The following CPB2 variants were observed in gnomAD, a reference collection of about 807,000 sequenced individuals.
CPB2 encodes the protein carboxypeptidase B-like protein.
In CPB2, 54 loss-of-function variants were observed where a neutral mutation model predicts 57.0. That is an observed-to-expected ratio of 0.95 (90% CI 0.76 to 1.19). The LOEUF is 1.19. CPB2 is among the 50% of genes most tolerant of loss of function. CPB2 has a pLI of 0.00. For synonymous variants in CPB2, 189 were observed against 178.1 expected, an observed-to-expected ratio of 1.06 and a Z score of -0.49; for missense variants, 426 against 512.0, an observed-to-expected ratio of 0.83 and a Z score of 1.62.
intron 6 of CPB2, among the ~76,000 whole-genome samples, chr13:46,068,010 CACATATTGCAGTGTG>C (rs2044881438): frequency 6.6e-6 from 1 of 152,190 alleles, no homozygotes; most frequent in African/African-American, 2.4e-5. Context: ...AGCTTAGTGG[CACATATTGCAGTGTG>C]ATCCAATGGC....
At chr13:46,081,648 G>T (rs2045120132) in intron 4 of CPB2, among the ~76,000 whole-genome samples, 1 of 152,020 alleles carries the variant, frequency 6.6e-6, no homozygotes, top group South Asian at 2.1e-4. Flanking sequence ...ATATGGATAT[G>T]GTCCCTAATA....
chr13:46,058,081 C>T, intron 9 of CPB2, 98 bp downstream of exon 9: 1 of 1,049,106 alleles, frequency 9.5e-7, no homozygotes, highest in Non-Finnish European at 1.4e-6. Context: ...TATCATTTGC[C>T]TTCTAGAGGA....
At chr13:46,096,527 C>T (rs2045368331) in intron 1 of CPB2, 1 of 152,274 alleles carries the variant, frequency 6.6e-6, no homozygotes, top group African/African-American at 2.4e-5. Context: ...CTTGTAATCC[C>T]AGCACTTTGG....
At chr13:46,066,793 C>T (rs1437357640) in intron 7 of CPB2, among the ~76,000 whole-genome samples, 2 of 145,896 alleles carry the variant, frequency 1.4e-5, no homozygotes, top group Admixed American at 7.1e-5. Flanking sequence ...TGCAGTGAGC[C>T]GAGATCGTGC....
At chr13:46,061,815 T>A (rs780595087) in intron 8 of CPB2, among the ~76,000 whole-genome samples, 1 of 152,138 alleles carries the variant, frequency 6.6e-6, no homozygotes, top group Non-Finnish European at 1.5e-5. Context: ...CAGAGGAGCA[T>A]AAAATGAGTA....
chr13:46,104,957 T>A lies in CPB2; in HGVS notation c.53A>T (p.Gln18Leu). ...VLVPIVLFCE[Q>L]HVFAFQSGQV... is the part of the protein sequence containing the mutation. ...TTACCTCTGAAACGCGAAGACATGC[T>A]GCTCACAGAAGAGAACAATGGGTAC... The change falls in exon 1 of 11, where the codon CAG becomes CTG. Residue 18 changes from glutamine (Q) to leucine (L), a missense_variant. Gln to Leu is a moderately radical substitution (Grantham distance 113). Transcript: ENST00000181383. 1 of 1,614,020 alleles carries A rather than the reference T, an allele frequency of 6.2e-7. No individual in the cohort carries two copies. The highest frequency in any genetic ancestry group is 8.5e-7 in the Non-Finnish European group (1 of 1,179,914).
intron 1 of CPB2, among the ~76,000 whole-genome samples, chr13:46,088,593 GT>G (rs569695741): frequency 1.8e-3 from 270 of 152,266 alleles, no homozygotes; most frequent in Non-Finnish European, 3.2e-3. Context: ...CAGTCCTCAA[GT>G]TTTTTGTATC....
intron 7 of CPB2, among the ~76,000 whole-genome samples, chr13:46,065,349 G>A (rs1027748497): frequency 1.3e-5 from 2 of 152,112 alleles, no homozygotes; most frequent in Non-Finnish European, 2.9e-5. Context: ...TGCACAGGCC[G>A]GGCGCGGTGG....
chr13:46,071,150 CA>C, intron 6 of CPB2, among the ~76,000 whole-genome samples: 1 of 152,140 alleles, frequency 6.6e-6, no homozygotes, highest in South Asian at 2.1e-4. Context: ...TCCAGAAGAG[CA>C]GGTCAAGGGA....
chr13:46,070,637 C>T lies in CPB2; in HGVS notation c.592-3220G>A, dbSNP rs79218036. On this transcript the variant is annotated intron_variant, in intron 6 of 10. Transcript: ENST00000181383. ...AATTAGTACATAACGACATATAGGTCAGTTAATGGGGTTGCTAAAAAAAAA... is the reference window on the plus strand; with the variant it reads ...AATTAGTACATAACGACATATAGGTTAGTTAATGGGGTTGCTAAAAAAAAA... Among the ~76,000 whole-genome samples, 10 of 152,100 alleles carry T rather than the reference C, an allele frequency of 6.6e-5. No individual in the cohort carries two copies. In the East Asian group the frequency reaches 1.5e-3, roughly 24 times the overall value.
chr13:46,075,539 G>T (rs1003299491), intron 5 of CPB2, among the ~76,000 whole-genome samples: 5 of 152,338 alleles, frequency 3.3e-5, no homozygotes, highest in African/African-American at 1.2e-4. Context: ...CAAATGTCAT[G>T]GGTGGATATG....
In CPB2 at chr13:46,087,898, T is replaced by C. The variant is rs1232220494; in HGVS notation, c.75-78A>G. ...AATATATTATACTGTGAGGAGCTTT[T>C]AGGTAATTGCAAAAGGGAAACAAAA... On this transcript the variant is annotated intron_variant, in intron 1 of 10. Coordinates refer to ENST00000181383, the MANE Select transcript of CPB2 (RefSeq NM_001872.5). 3.2e-6 allele frequency: 3 copies of C among 946,508 alleles called. No individual in the cohort carries two copies. The African/African-American group carries it at 5.0e-5, about 16-fold the overall frequency. The allele number at this position is 946,508 out of a possible 1,614,324, so 58.6% of individuals were successfully genotyped here.
intron 7 of CPB2, among the ~76,000 whole-genome samples, chr13:46,066,844 C>CA (rs35694352): frequency 0.052 from 5,136 of 98,854 alleles, 240 homozygotes; most frequent in African/African-American, 0.1. Context: ...GACACCATCT[C>CA]AAAAAAAAAA....
intron 2 of CPB2, among the ~76,000 whole-genome samples, chr13:46,087,342 T>G (rs1429554621): frequency 1.3e-5 from 2 of 152,256 alleles, no homozygotes; most frequent in Non-Finnish European, 2.9e-5. Context: ...GTAATTCTTG[T>G]CAATTTTCTA....
chr13:46,090,254 A>T (rs1477434184), intron 1 of CPB2, among the ~76,000 whole-genome samples: 2 of 151,948 alleles, frequency 1.3e-5, no homozygotes, highest in East Asian at 1.9e-4. Flanking sequence ...TGAAATTTTC[A>T]TTAGAATTAT....
intron 9 of CPB2, 150 bp from the exon 10 acceptor site, chr13:46,055,999 CAAAT>C (rs1385107376): frequency 9.4e-6 from 4 of 425,002 alleles, no homozygotes; most frequent in South Asian, 5.5e-5. Flanking sequence ...ATAAGGTAAA[CAAAT>C]TAATTTAAAA....
At chr13:46,087,212 A>G (rs2045222615) in intron 2 of CPB2, among the ~76,000 whole-genome samples, 1 of 152,146 alleles carries the variant, frequency 6.6e-6, no homozygotes, top group East Asian at 1.9e-4. Flanking sequence ...CCATCACAGA[A>G]GGGGGCGGGA....
intron 1 of CPB2, among the ~76,000 whole-genome samples, chr13:46,088,072 T>C (rs1593911809): frequency 6.6e-6 from 1 of 152,224 alleles, no homozygotes; most frequent in East Asian, 1.9e-4. Context: ...TTCTTTCCTT[T>C]TTCTTGTGCG....
intron 9 of CPB2, among the ~76,000 whole-genome samples, chr13:46,056,946 G>T (rs1263111780): frequency 6.6e-6 from 1 of 152,144 alleles, no homozygotes. Context: ...AGTTAGAAGT[G>T]AGTTGTACTG....
Sources: allele counts gnomAD v4.1 joint callset (sites outside exome capture counted in the v4.1 genomes callset), GRCh38; gene constraint gnomAD v4.1.1; transcripts MANE v1.5; gene names NCBI Gene and HGNC (gene_info 2026-07-23, HGNC 2026-07-21).